The following AGPAT3 variants were observed in gnomAD, a reference collection of about 807,000 sequenced individuals.
AGPAT3 encodes 1-acyl-sn-glycerol-3-phosphate acyltransferase gamma.
Under a neutral mutation model 47.3 loss-of-function variants are expected in AGPAT3, and 5 were observed. That is an observed-to-expected ratio of 0.11 (90% CI 0.06 to 0.22). The LOEUF is 0.22. AGPAT3 is among the 10% of genes least tolerant of loss of function. AGPAT3 has a pLI of 1.00. For missense variants in AGPAT3, 315 were observed against 493.0 expected (o/e 0.64, Z 3.42); for synonymous variants, 212 against 208.3 (o/e 1.02, Z -0.15).
At chr21:43,916,761 T>G (rs1285234607) in intron 2 of AGPAT3, among the ~76,000 whole-genome samples, 1 of 152,194 alleles carries the variant, frequency 6.6e-6, no homozygotes, top group Non-Finnish European at 1.5e-5. Context: ...TTGTGTATTT[T>G]AGGGAGTTGC....
intron 1 of AGPAT3, among the ~76,000 whole-genome samples, chr21:43,889,947 T>C (rs2145921615): frequency 6.6e-6 from 1 of 152,310 alleles, no homozygotes; most frequent in Admixed American, 6.5e-5. Flanking sequence ...TTTGGATCTG[T>C]GTCCCTAAAA....
At chr21:43,899,882 T>C (rs1569053587) in intron 1 of AGPAT3, among the ~76,000 whole-genome samples, 1 of 152,036 alleles carries the variant, frequency 6.6e-6, no homozygotes, top group Non-Finnish European at 1.5e-5. Context: ...AAGAAGAAAT[T>C]GGGAAGAGGC....
intron 1 of AGPAT3, among the ~76,000 whole-genome samples, chr21:43,869,082 A>T (rs1306218593): frequency 6.6e-6 from 1 of 152,240 alleles, no homozygotes; most frequent in Non-Finnish European, 1.5e-5. Context: ...AGAAGGCCGT[A>T]CTTGCTGGAC....
At chr21:43,966,699 T>A (rs1454990961) in intron 3 of AGPAT3, 3 of 152,202 alleles carry the variant, frequency 2.0e-5, no homozygotes, top group Non-Finnish European at 4.4e-5. Flanking sequence ...GTGCAGGATG[T>A]CTTTGGAATT....
rs969061008 is a variant in AGPAT3 at position 43,930,252 on chromosome 21, G to A, written c.-49+26233G>A. 5.3e-5 allele frequency among the ~76,000 whole-genome samples: 8 copies of A among 152,142 alleles called. No homozygotes were observed. Among genetic ancestry groups the A allele is most frequent in the East Asian group, 1.9e-4 (1 of 5,184 alleles). On this transcript the variant is annotated intron_variant, in intron 2 of 9. Coordinates refer to ENST00000291572, the MANE Select transcript of AGPAT3 (RefSeq NM_020132.5). The surrounding 1 kb of genome is among the most constrained non-coding windows in gnomAD (Gnocchi z 5.0). Reference sequence around the variant, plus strand: ...TGGGAGGTCTCAGGGCAGAGACGCCGCACGGTGGGGTAGGGGGCTCTGGTG... The same window carrying A: ...TGGGAGGTCTCAGGGCAGAGACGCCACACGGTGGGGTAGGGGGCTCTGGTG...
intron 3 of AGPAT3, among the ~76,000 whole-genome samples, chr21:43,962,577 C>T (rs1240547811): frequency 6.6e-6 from 1 of 152,160 alleles, no homozygotes; most frequent in African/African-American, 2.4e-5. Flanking sequence ...GAAACAAAAA[C>T]CTCTCAGCTC....
rs1357845650 is a variant in AGPAT3, at chr21:43,901,332, AAAAAAAAG to A, written c.-111-2623_-111-2616del. Among the ~76,000 whole-genome samples, 6 of 151,944 alleles carry A rather than the reference AAAAAAAAG, an allele frequency of 3.9e-5. No homozygotes were observed. The South Asian group carries it at 1.2e-3, about 32-fold the overall frequency. On this transcript the variant is annotated intron_variant, in intron 1 of 9. Transcript: ENST00000291572. ...AGTGAAACTCTGTTAAAAAAAAAAA[AAAAAAAAG>A]AGAAGAGAAAAGAGAAGGGAAGGGA... is the stretch of plus-strand genomic sequence containing the variant.
Position 43,883,801 on chromosome 21 carries a change from C to A in AGPAT3, c.-112+18456C>A, listed in dbSNP as rs539581526. 6.6e-5 allele frequency among the ~76,000 whole-genome samples: 10 copies of A among 152,296 alleles called. 1 individual carries two copies. In the South Asian group the frequency reaches 2.1e-3, roughly 32 times the overall value. On this transcript the variant is annotated intron_variant, in intron 1 of 9. Coordinates refer to ENST00000291572, the MANE Select transcript of AGPAT3 (RefSeq NM_020132.5). ...TAGAGATGGGGTTTTGCCATGTTGG[C>A]CAGGCTGGTCTCAAACTTCTGACCT...
chr21:43,937,413 C>T (rs1036296446), intron 2 of AGPAT3, among the ~76,000 whole-genome samples: 1 of 152,200 alleles, frequency 6.6e-6, no homozygotes, highest in African/African-American at 2.4e-5. Context: ...GCGCAAGGCC[C>T]CTGACTATAT....
chr21:43,877,519 C>G (rs1392607390), intron 1 of AGPAT3, among the ~76,000 whole-genome samples: 1 of 152,102 alleles, frequency 6.6e-6, no homozygotes, highest in East Asian at 1.9e-4. Flanking sequence ...GTTGGCTCAC[C>G]ACAACTTCCG....
rs1051360705 is a variant in AGPAT3 at position 43,933,829 on chromosome 21, C to T, written c.-48-25805C>T. On this transcript the variant is annotated intron_variant, in intron 2 of 9. Transcript: ENST00000291572. This position sits in a 1 kb window ranked among gnomAD's most constrained non-coding sequence, Gnocchi z 6.0. ...CAAGAGCCAGAGGACGGCACTCCCG[C>T]GCCTGCCACGAGCCTCACGTGGAGA... Among the ~76,000 whole-genome samples, 5 of 152,096 alleles carry T rather than the reference C, an allele frequency of 3.3e-5. No homozygotes were observed. The highest frequency in any genetic ancestry group is 7.2e-5 in the African/African-American group (3 of 41,402).
At chr21:43,943,013 C>T (rs940107705) in intron 2 of AGPAT3, among the ~76,000 whole-genome samples, 8 of 152,198 alleles carry the variant, frequency 5.3e-5, no homozygotes, top group South Asian at 2.1e-4. Context: ...GAGGGAGGCC[C>T]GCTCCCCAGG....
chr21:43,981,336 G>A lies in AGPAT3; in HGVS notation c.1042+149G>A, dbSNP rs1569111569. ...TGGAGCCAGGATCCCCCCACGGCCTGCGGGCCTCAGAGCCTGGATTCTTGC... is the reference window on the plus strand; with the variant it reads ...TGGAGCCAGGATCCCCCCACGGCCTACGGGCCTCAGAGCCTGGATTCTTGC... On this transcript the variant is annotated intron_variant, in intron 9 of 9. Transcript: ENST00000291572. This position sits in a 1 kb window ranked among gnomAD's most constrained non-coding sequence, Gnocchi z 5.3. 4 of 870,398 alleles carry A rather than the reference G, an allele frequency of 4.6e-6. No individual in the cohort carries two copies. Among genetic ancestry groups the A allele is most frequent in the Non-Finnish European group, 7.1e-6 (4 of 559,970 alleles). The allele number at this position is 870,398 out of a possible 1,614,324, so 53.9% of individuals were successfully genotyped here.
intron 1 of AGPAT3, among the ~76,000 whole-genome samples, chr21:43,886,736 T>C (rs1210370882): frequency 3.9e-5 from 6 of 152,260 alleles, no homozygotes; most frequent in Admixed American, 2.6e-4. Context: ...CTTAATATAA[T>C]GAGCTCCAGT....
Position 43,971,393 on chromosome 21 carries a change from G to T in AGPAT3, c.670G>T (p.Ala224Ser). 6.2e-7 allele frequency: 1 copy of T among 1,614,174 alleles called. No homozygotes were observed. The highest frequency in any genetic ancestry group is 8.5e-7 in the Non-Finnish European group (1 of 1,179,994). The change falls in exon 7 of 10, where the codon GCT becomes TCT. Residue 224 changes from alanine (A) to serine (S), a missense_variant. Ala to Ser is a moderately conservative substitution (Grantham distance 99). Transcript: ENST00000291572. ...CCTCCCGTCTCCTCCCACAGTCGCAGCTGTCTATGATGTAACCCTGAACTT... is the reference window on the plus strand; with the variant it reads ...CCTCCCGTCTCCTCCCACAGTCGCATCTGTCTATGATGTAACCCTGAACTT... The part of the protein sequence containing the change: ...AVKCLRGTVA[A>S]VYDVTLNFRG...
chr21:43,979,823 CGAT>C (rs2089776303), intron 8 of AGPAT3, among the ~76,000 whole-genome samples: 1 of 152,208 alleles, frequency 6.6e-6, no homozygotes, highest in African/African-American at 2.4e-5. Flanking sequence ...GGCCAGGACA[CGAT>C]GACACCTGCC....
intron 2 of AGPAT3, among the ~76,000 whole-genome samples, chr21:43,910,069 C>T (rs185885953): frequency 6.6e-6 from 1 of 152,204 alleles, no homozygotes; most frequent in African/African-American, 2.4e-5. Context: ...CACAGCGTGA[C>T]CCGTGGCTGG....
At chr21:43,874,228 G>T (rs554431270) in intron 1 of AGPAT3, among the ~76,000 whole-genome samples, 2 of 152,062 alleles carry the variant, frequency 1.3e-5, no homozygotes, top group Non-Finnish European at 2.9e-5. Context: ...GTTTCACCAT[G>T]TTGGCCAGGC....
chr21:43,939,171 T>A lies in AGPAT3; in HGVS notation c.-48-20463T>A, dbSNP rs1377465092. 2.6e-5 allele frequency among the ~76,000 whole-genome samples: 4 copies of A among 152,156 alleles called. No homozygotes were observed. The highest frequency in any genetic ancestry group is 9.7e-5 in the African/African-American group (4 of 41,436). On this transcript the variant is annotated intron_variant, in intron 2 of 9. Transcript: ENST00000291572. This position sits in a 1 kb window ranked among gnomAD's most constrained non-coding sequence, Gnocchi z 4.4. The stretch of plus-strand genomic sequence containing the variant: ...GAGATGCACGAGCAGTGACTTTCAC[T>A]TTATCCCACTGTGGCCCCGTGACCC...
Sources: allele counts gnomAD v4.1 joint callset (sites outside exome capture counted in the v4.1 genomes callset), GRCh38; gene constraint gnomAD v4.1.1; non-coding constraint Gnocchi (gnomAD v3.1); transcripts MANE v1.5; gene names NCBI Gene and HGNC (gene_info 2026-07-23, HGNC 2026-07-21).